Variants in MYL3 observed in about 807,000 individuals in gnomAD.
The protein encoded by MYL3 is CMLC1.
A neutral mutation model predicts 21.3 loss-of-function variants in MYL3; 11 were observed. The observed-to-expected ratio is 0.52, with a 90% CI of 0.32 to 0.85. The LOEUF (loss-of-function observed/expected upper bound fraction) is 0.85, where lower values mean the gene tolerates loss of function less well. MYL3 is among the 40% of genes least tolerant of loss of function. The pLI, the probability that MYL3 is intolerant of heterozygous loss-of-function variation, is 0.03. For missense variants in MYL3, 206 were observed against 253.3 expected, an observed-to-expected ratio of 0.81 and a Z score of 1.27; for synonymous variants, 88 against 91.6, an observed-to-expected ratio of 0.96 and a Z score of 0.22.
chr3:46,864,125 G>A (rs1309013810), upstream of MYL3, among the ~76,000 whole-genome samples: 2 of 151,950 alleles, frequency 1.3e-5, no homozygotes, highest in Non-Finnish European at 2.9e-5. This position sits in a 1 kb window ranked among gnomAD's most constrained non-coding sequence, Gnocchi z 4.7. Context: ...GATGGCCCGG[G>A]TGTCTGCATT....
chr3:46,870,341 G>A (rs1361913194), intron 1 of MYL3, among the ~76,000 whole-genome samples: 1 of 152,144 alleles, frequency 6.6e-6, no homozygotes, highest in South Asian at 2.1e-4. Flanking sequence ...GAAGAAGGCA[G>A]TGCCGAGGAC....
At chr3:46,878,045 T>C (rs1281076136) in intron 1 of MYL3, among the ~76,000 whole-genome samples, 1 of 152,190 alleles carries the variant, frequency 6.6e-6, no homozygotes, top group Non-Finnish European at 1.5e-5. Flanking sequence ...AGAAAGCCCA[T>C]ACCTCTAGCT....
Position 46,858,095 on chromosome 3 carries a change from G to T in MYL3, c.*20C>A. 9.6e-7 allele frequency: 1 copy of T among 1,036,994 alleles called. No individual in the cohort carries two copies. The highest frequency in any genetic ancestry group is 1.5e-6 in the Non-Finnish European group (1 of 672,490). 64.2% of individuals were successfully genotyped at this position (1,036,994 alleles called of 1,614,324 possible). A position where few individuals can be genotyped will look rare whatever the true frequency, so the allele number is the denominator to read the frequency against. On this transcript the variant is annotated 3_prime_UTR_variant, in exon 7 of 7. Transcript: ENST00000292327. Reference sequence around the variant, plus strand: ...GAGACGTCCCTGCACAGCCTTCCCTGGGCTTCCTGAGAGCAAAGGCAGTGC... The same window carrying T: ...GAGACGTCCCTGCACAGCCTTCCCTTGGCTTCCTGAGAGCAAAGGCAGTGC...
intron 1 of MYL3, among the ~76,000 whole-genome samples, chr3:46,881,399 C>T (rs2030550815): frequency 6.6e-6 from 1 of 152,168 alleles, no homozygotes; most frequent in Non-Finnish European, 1.5e-5. Context: ...GTCGAGGGTC[C>T]CAGGCGGCCC....
At chr3:46,858,726 C>T (rs982322339) in intron 4 of MYL3, among the ~76,000 whole-genome samples, 8 of 152,100 alleles carry the variant, frequency 5.3e-5, no homozygotes, top group Non-Finnish European at 1.0e-4. Context: ...CCAGGGCTCC[C>T]TAGAAGCAGT....
Position 46,863,422 on chromosome 3 carries a change from G to C in MYL3, c.-32C>G, listed in dbSNP as rs762615785. On this transcript the variant is annotated 5_prime_UTR_variant, in exon 1 of 7. Coordinates refer to ENST00000292327, the MANE Select transcript of MYL3 (RefSeq NM_000258.3). ...CTGTAAGTACAGAGAGGGATGTGGA[G>C]AGAAGAATGCAGAAAGCAGGGTAGG... is the stretch of plus-strand genomic sequence containing the variant. 9 of 1,611,662 alleles carry C rather than the reference G, an allele frequency of 5.6e-6. No individual in the cohort carries two copies. Among genetic ancestry groups the C allele is most frequent in the Admixed American group, 3.3e-5 (2 of 59,956 alleles).
intron 1 of MYL3, among the ~76,000 whole-genome samples, chr3:46,869,449 C>G (rs1259063107): frequency 6.6e-6 from 1 of 152,146 alleles, no homozygotes; most frequent in Non-Finnish European, 1.5e-5. Context: ...CACCCTGGGC[C>G]ACATTCCTCC....
At chr3:46,881,686 G>A (rs560741228) in intron 1 of MYL3, among the ~76,000 whole-genome samples, 46 of 152,160 alleles carry the variant, frequency 3.0e-4, no homozygotes, top group African/African-American at 1.0e-3. Flanking sequence ...CGACAGGCCT[G>A]GGATGGGACT....
At chr3:46,871,344 G>A (rs1176964698) in intron 1 of MYL3, among the ~76,000 whole-genome samples, 2 of 152,062 alleles carry the variant, frequency 1.3e-5, no homozygotes, top group East Asian at 3.9e-4. Flanking sequence ...CACAGAAGGG[G>A]AAACAGAGGC....
chr3:46,868,698 G>A (rs981768909), intron 1 of MYL3, among the ~76,000 whole-genome samples: 2 of 152,246 alleles, frequency 1.3e-5, no homozygotes, highest in Admixed American at 1.3e-4. Flanking sequence ...GGGACAGGAT[G>A]GGGACAGCAT....
Position 46,861,604 on chromosome 3 carries a change from C to T in MYL3, c.130-617G>A, listed in dbSNP as rs3792558. Among the ~76,000 whole-genome samples the T allele has an allele frequency of 0.31, 46,815 of 152,050 alleles. 12,475 individuals carry two copies. The highest frequency in any genetic ancestry group is 0.72 in the African/African-American group (29,785 of 41,424). On this transcript the variant is annotated intron_variant, in intron 1 of 6. Coordinates refer to ENST00000292327, the MANE Select transcript of MYL3 (RefSeq NM_000258.3). This position sits in a 1 kb window ranked among gnomAD's most constrained non-coding sequence, Gnocchi z 4.2. ...ATACCTATTTCTCACACACCCTGTCCGTAGGTCCCTGGGAAGCTCCCACAC... is the reference window on the plus strand; with the variant it reads ...ATACCTATTTCTCACACACCCTGTCTGTAGGTCCCTGGGAAGCTCCCACAC...
At chr3:46,867,617 C>G (rs1028518584), upstream of MYL3, among the ~76,000 whole-genome samples, 1 of 152,242 alleles carries the variant, frequency 6.6e-6, no homozygotes, top group African/African-American at 2.4e-5. Context: ...GTGCCCTTGT[C>G]CCCTGGGCCG....
At chr3:46,871,647 G>A (rs887189884) in intron 1 of MYL3, among the ~76,000 whole-genome samples, 6 of 152,078 alleles carry the variant, frequency 3.9e-5, no homozygotes, top group Admixed American at 3.3e-4. Context: ...AGACTCACGG[G>A]TACCCAGGAA....
chr3:46,858,556 CT>C (rs1701957958), intron 4 of MYL3, 95 bp from the exon 5 acceptor site: 6 of 1,183,764 alleles, frequency 5.1e-6, no homozygotes, highest in African/African-American at 4.5e-5. Flanking sequence ...GGCTCAACCT[CT>C]CCAGTATTCC....
At chr3:46,858,546 G>A in intron 4 of MYL3, 85 bp from the exon 5 acceptor site, 1 of 1,321,348 alleles carries the variant, frequency 7.6e-7, no homozygotes, top group African/African-American at 1.4e-5. Context: ...TCTAGATGGT[G>A]GCTCAACCTC....
chr3:46,860,722 G>C lies in MYL3; in HGVS notation c.261C>G (p.Pro87=), dbSNP rs556711370. Residue 87 remains proline (P), a synonymous_variant, in exon 3 of 7, where the codon CCC becomes CCG. Coordinates refer to ENST00000292327, the MANE Select transcript of MYL3 (RefSeq NM_000258.3). The surrounding 1 kb of genome is among the most constrained non-coding windows in gnomAD (Gnocchi z 4.6). ...GGACACGGAGCACTTCTGCCTGTGT[G>C]GGGTTCTGGCCCAGCGCCCGCAGGA... The part of the protein sequence containing the change: ...GDVLRALGQN[P]TQAEVLRVLG... The C allele has an allele frequency of 6.2e-7, 1 of 1,614,142 alleles. No individual in the cohort carries two copies. Among genetic ancestry groups the C allele is most frequent in the Non-Finnish European group, 8.5e-7 (1 of 1,180,018 alleles).
At chr3:46,866,515 C>G (rs996522021), upstream of MYL3, 1 of 152,394 alleles carries the variant, frequency 6.6e-6, no homozygotes, top group African/African-American at 2.4e-5. Flanking sequence ...TACCTGGCGT[C>G]TTCCGTGTGT....
chr3:46,869,080 C>A (rs538939342), intron 1 of MYL3, among the ~76,000 whole-genome samples: 30 of 152,296 alleles, frequency 2.0e-4, no homozygotes, highest in African/African-American at 7.0e-4. Context: ...AGCTCCCCAG[C>A]TCTGCCTGCT....
At chr3:46,865,699 A>T (rs1295878040), upstream of MYL3, among the ~76,000 whole-genome samples, 1 of 152,162 alleles carries the variant, frequency 6.6e-6, no homozygotes, top group African/African-American at 2.4e-5. The surrounding 1 kb of genome is among the most constrained non-coding windows in gnomAD (Gnocchi z 4.3). Context: ...CAGGTCTGTG[A>T]TCTGGGATGG....
Sources: allele counts gnomAD v4.1 joint callset (sites outside exome capture counted in the v4.1 genomes callset), GRCh38; gene constraint gnomAD v4.1.1; non-coding constraint Gnocchi (gnomAD v3.1); transcripts MANE v1.5; gene names NCBI Gene and HGNC (gene_info 2026-07-23, HGNC 2026-07-21).